SYNE3: variants seen among roughly 807,000 people sequenced by gnomAD.
The protein encoded by SYNE3 is nesprin-3.
SYNE3 carries 100 observed loss-of-function variants against 111.2 expected under a neutral mutation model. The ratio of observed to expected loss-of-function variants is 0.90; its 90% confidence interval spans 0.77 to 1.06. The LOEUF is 1.06. Ranked by LOEUF, SYNE3 falls within the 50% of genes least tolerant of loss-of-function variation. The pLI is 0.00. For synonymous variants in SYNE3, 547 were observed against 533.9 expected, an observed-to-expected ratio of 1.02 and a Z score of -0.34; for missense variants, 1,160 against 1,240.3, an observed-to-expected ratio of 0.94 and a Z score of 0.97.
chr14:95,418,090 G>C, intron 17 of SYNE3, 64 bp from the exon 18 acceptor site: 1 of 1,569,924 alleles, frequency 6.4e-7, no homozygotes, highest in Non-Finnish European at 8.7e-7. Flanking sequence ...GGCAGGTTCA[G>C]GGGGCGAGGA....
chr14:95,498,805 A>G (rs757349414), intron 1 of SYNE3, among the ~76,000 whole-genome samples: 2 of 152,090 alleles, frequency 1.3e-5, no homozygotes, highest in African/African-American at 2.4e-5. Flanking sequence ...CTCAACACAA[A>G]TAAGCCACCT....
chr14:95,490,989 T>G (rs1889822676), intron 1 of SYNE3, among the ~76,000 whole-genome samples: 1 of 152,198 alleles, frequency 6.6e-6, no homozygotes, highest in Non-Finnish European at 1.5e-5. Context: ...GGGACACAGC[T>G]GGCACAGAGG....
rs1442506302 is a variant in SYNE3 at position 95,472,288 on chromosome 14, G to A, written c.144+3390C>T. On this transcript the variant is annotated intron_variant, in intron 2 of 17. Transcript: ENST00000682763. ...CCAGAAGCTGGTGAGGAAGCTGCCT[G>A]GCTCAGGCCAGGACCCAGATACAGG... Among the ~76,000 whole-genome samples the A allele has an allele frequency of 2.0e-5, 3 of 152,354 alleles. No individual in the cohort carries two copies. In the East Asian group the frequency reaches 5.8e-4, roughly 29 times the overall value.
chr14:95,484,133 G>GT (rs945042539), intron 1 of SYNE3, among the ~76,000 whole-genome samples: 2 of 152,242 alleles, frequency 1.3e-5, no homozygotes, highest in Non-Finnish European at 2.9e-5. Flanking sequence ...CACCTGGGAA[G>GT]TGCTGGCCTT....
chr14:95,414,141 G>A lies in SYNE3; in HGVS notation c.*3685C>T, dbSNP rs1903502897. 6.6e-6 allele frequency: 1 copy of A among 152,256 alleles called. No homozygotes were observed. The highest frequency in any genetic ancestry group is 2.1e-4 in the South Asian group (1 of 4,830). 9.4% of individuals were successfully genotyped at this position (152,256 alleles called of 1,614,324 possible). ...TTGCCCAGGGAACTCCATTCCCAGA[G>A]GCTACAGAGACTGCAACCTGGTAGA... On this transcript the variant is annotated 3_prime_UTR_variant, in exon 18 of 18. Coordinates refer to ENST00000682763, the MANE Select transcript of SYNE3 (RefSeq NM_152592.6).
At chr14:95,448,516 G>A (rs371008054) in intron 8 of SYNE3, among the ~76,000 whole-genome samples, 19 of 152,130 alleles carry the variant, frequency 1.2e-4, no homozygotes, top group South Asian at 6.2e-4. Flanking sequence ...ATGAAACCCC[G>A]TCTCTACTGA....
chr14:95,417,686 C>A lies in SYNE3; in HGVS notation c.*140G>T. On this transcript the variant is annotated 3_prime_UTR_variant, in exon 18 of 18. Transcript: ENST00000682763. ...ATAAAAAGTAAGTGTCTTCTGGGAA[C>A]GCTGACACAGCACTGATATGGATGC... 3.5e-6 allele frequency: 3 copies of A among 866,674 alleles called. No homozygotes were observed. The highest frequency in any genetic ancestry group is 1.9e-5 in the Admixed American group (1 of 52,334). The allele number at this position is 866,674 out of a possible 1,614,324, so 53.7% of individuals were successfully genotyped here. A position where few individuals can be genotyped will look rare whatever the true frequency, so the allele number is the denominator to read the frequency against.
In SYNE3 at chr14:95,448,863, A is replaced by G. The variant is rs375530860; in HGVS notation, c.1449+1068T>C. The stretch of plus-strand genomic sequence containing the variant: ...CCTCGGTCATACCAAGGTGGCAGAA[A>G]AGGGGATGGAGAAATTGCCCCAACA... On this transcript the variant is annotated intron_variant, in intron 8 of 17. Coordinates refer to ENST00000682763, the MANE Select transcript of SYNE3 (RefSeq NM_152592.6). Among the ~76,000 whole-genome samples the G allele has an allele frequency of 2.6e-5, 4 of 152,314 alleles. No homozygotes were observed. The East Asian group carries it at 5.8e-4, about 22-fold the overall frequency.
Position 95,465,989 on chromosome 14 carries a change from T to C in SYNE3, c.569A>G (p.Asp190Gly). The C allele has an allele frequency of 6.2e-7, 1 of 1,605,558 alleles. No homozygotes were observed. Among genetic ancestry groups the C allele is most frequent in the Non-Finnish European group, 8.5e-7 (1 of 1,172,966 alleles). ...CTTCATTCTCTTCTGGGCATCTTCG[T>C]CCACGCTGGGGTCCCCGATCCTGTT... ...LFNRIGDPSV[D>G]EDAQKRMKAE... Residue 190 changes from aspartate to glycine, a missense_variant, in exon 4 of 18, where the codon GAC becomes GGC. Transcript: ENST00000682763.
intron 1 of SYNE3, among the ~76,000 whole-genome samples, chr14:95,501,535 C>T (rs779313402): frequency 1.3e-4 from 20 of 152,196 alleles, no homozygotes; most frequent in African/African-American, 4.8e-4. Context: ...GAGCTCACAG[C>T]GCATGCGGAA....
intron 1 of SYNE3, among the ~76,000 whole-genome samples, chr14:95,497,687 T>C (rs1158572332): frequency 6.6e-6 from 1 of 152,140 alleles, no homozygotes; most frequent in East Asian, 1.9e-4. Flanking sequence ...ATGGTCTCCG[T>C]CACATCTCCT....
intron 3 of SYNE3, among the ~76,000 whole-genome samples, chr14:95,466,473 G>A (rs1180385849): frequency 6.6e-6 from 1 of 152,164 alleles, no homozygotes; most frequent in Admixed American, 6.5e-5. Flanking sequence ...CCTGCGTGAG[G>A]GTAGGAGCCA....
At chr14:95,418,926 C>T (rs1453068541) in intron 17 of SYNE3, among the ~76,000 whole-genome samples, 1 of 151,864 alleles carries the variant, frequency 6.6e-6, no homozygotes, top group African/African-American at 2.4e-5. Context: ...CTCCCTCTTT[C>T]CTTCCCTCTT....
At chr14:95,457,810 C>A (rs1397798174) in intron 4 of SYNE3, among the ~76,000 whole-genome samples, 1 of 152,132 alleles carries the variant, frequency 6.6e-6, no homozygotes, top group Non-Finnish European at 1.5e-5. Context: ...GATGAGGACA[C>A]CAAGATACAG....
intron 1 of SYNE3, among the ~76,000 whole-genome samples, chr14:95,502,036 C>T (rs1157311060): frequency 6.6e-6 from 1 of 152,120 alleles, no homozygotes; most frequent in South Asian, 2.1e-4. Flanking sequence ...CACCTTTACT[C>T]CTTCTACCAA....
chr14:95,457,416 CTGGG>C, intron 4 of SYNE3, 78 bp from the exon 5 acceptor site: 1 of 1,532,856 alleles, frequency 6.5e-7, no homozygotes, highest in Non-Finnish European at 8.8e-7. Context: ...CGTAGCCTGC[CTGGG>C]TGTGTGTGTG....
intron 15 of SYNE3, among the ~76,000 whole-genome samples, chr14:95,435,168 TA>T (rs1280571697): frequency 1.3e-5 from 2 of 152,006 alleles, no homozygotes; most frequent in African/African-American, 4.8e-5. Context: ...AAGATAGGTT[TA>T]AAAATTTCAG....
In SYNE3 at chr14:95,417,352, C is replaced by A; in HGVS notation, c.*474G>T. The A allele has an allele frequency of 5.0e-6, 1 of 199,744 alleles. No individual in the cohort carries two copies. The highest frequency in any genetic ancestry group is 1.1e-5 in the Non-Finnish European group (1 of 95,006). The allele number at this position is 199,744 out of a possible 1,614,324, so 12.4% of individuals were successfully genotyped here. ...GGGCACCAAGTGAGGGTCTATGGCGCTCTTCCACGTTGCAGCTCAGAGGCC... is the reference window on the plus strand; with the variant it reads ...GGGCACCAAGTGAGGGTCTATGGCGATCTTCCACGTTGCAGCTCAGAGGCC... On this transcript the variant is annotated 3_prime_UTR_variant, in exon 18 of 18. Transcript: ENST00000682763.
At chr14:95,496,992 C>T (rs1890120987) in intron 1 of SYNE3, among the ~76,000 whole-genome samples, 1 of 152,250 alleles carries the variant, frequency 6.6e-6, no homozygotes, top group Admixed American at 6.5e-5. Flanking sequence ...TGCTGGCCCT[C>T]TTTTCAGGGC....
Sources: allele counts gnomAD v4.1 joint callset (sites outside exome capture counted in the v4.1 genomes callset), GRCh38; gene constraint gnomAD v4.1.1; transcripts MANE v1.5; gene names NCBI Gene and HGNC (gene_info 2026-07-23, HGNC 2026-07-21).